Variants in TBC1D31 observed in about 807,000 individuals in gnomAD.
TBC1D31 encodes TBC1 domain family member 31, also known as WD repeat domain 67.
TBC1D31 carries 99 observed loss-of-function variants against 132.9 expected under a neutral mutation model. The observed-to-expected ratio is 0.74, with a 90% CI of 0.63 to 0.88. The LOEUF is 0.88. Ranked by LOEUF, TBC1D31 falls within the 40% of genes least tolerant of loss-of-function variation. The pLI, the probability that TBC1D31 is intolerant of heterozygous loss-of-function variation, is 0.00. For synonymous variants in TBC1D31, 385 were observed against 419.4 expected, an observed-to-expected ratio of 0.92 and a Z score of 1.00; for missense variants, 1,134 against 1,256.6, an observed-to-expected ratio of 0.90 and a Z score of 1.48.
chr8:123,164,319 C>T, the TBC1D31 span, among the ~76,000 whole-genome samples: 1 of 152,204 alleles, frequency 6.6e-6, no homozygotes, highest in African/African-American at 2.4e-5. Context: ...ACTCCCTTGG[C>T]CCAAGCAAGT....
In TBC1D31 at chr8:123,095,252, T is replaced by C. The variant is rs536890798; in HGVS notation, c.671+1510T>C. Reference sequence around the variant, plus strand: ...TAAGGAACAACATAGAACAGTTTTCTTTTGTGACGTCAGTAGCCATTAGTG... The same window carrying C: ...TAAGGAACAACATAGAACAGTTTTCCTTTGTGACGTCAGTAGCCATTAGTG... On this transcript the variant is annotated intron_variant, in intron 5 of 21. Transcript: ENST00000287380. 2.6e-5 allele frequency among the ~76,000 whole-genome samples: 4 copies of C among 152,360 alleles called. No homozygotes were observed. In the South Asian group the frequency reaches 8.3e-4, roughly 32 times the overall value.
chr8:123,095,261 G>A (rs1488168053), intron 5 of TBC1D31, among the ~76,000 whole-genome samples: 4 of 152,226 alleles, frequency 2.6e-5, no homozygotes, highest in African/African-American at 4.8e-5. Context: ...CTTTTGTGAC[G>A]TCAGTAGCCA....
At chr8:123,150,881 G>A (rs1291991088) in intron 21 of TBC1D31, among the ~76,000 whole-genome samples, 3 of 152,152 alleles carry the variant, frequency 2.0e-5, no homozygotes, top group Non-Finnish European at 4.4e-5. Flanking sequence ...TATAGATGAA[G>A]CAGTATTTAA....
chr8:123,095,833 G>A (rs947257443), intron 5 of TBC1D31, among the ~76,000 whole-genome samples: 3 of 152,072 alleles, frequency 2.0e-5, no homozygotes, highest in African/African-American at 4.8e-5. Context: ...ACCCTAATCC[G>A]GATGCTAGGG....
At chr8:123,118,173 C>A (rs1163298878) in intron 10 of TBC1D31, among the ~76,000 whole-genome samples, 1 of 152,118 alleles carries the variant, frequency 6.6e-6, no homozygotes, top group Non-Finnish European at 1.5e-5. Context: ...AATGTTGAAT[C>A]TGGGGTTGGT....
intron 4 of TBC1D31, among the ~76,000 whole-genome samples, chr8:123,085,689 G>A (rs1036122422): frequency 1.3e-5 from 2 of 152,174 alleles, no homozygotes; most frequent in Non-Finnish European, 2.9e-5. Context: ...GATTACAGGC[G>A]TGAGCCACCG....
At chr8:123,149,274 C>G (rs1822553102) in intron 20 of TBC1D31, among the ~76,000 whole-genome samples, 1 of 152,158 alleles carries the variant, frequency 6.6e-6, no homozygotes, top group African/African-American at 2.4e-5. Context: ...AGTCACATTA[C>G]TTTAATGACT....
At chr8:123,116,493 T>C (rs747101021) in intron 10 of TBC1D31, among the ~76,000 whole-genome samples, 5 of 152,040 alleles carry the variant, frequency 3.3e-5, no homozygotes, top group Non-Finnish European at 7.4e-5. Flanking sequence ...CAGTAGTTGA[T>C]TGGAATCGAT....
At chr8:123,151,195 C>T (rs1200567794) in intron 21 of TBC1D31, among the ~76,000 whole-genome samples, 3 of 152,064 alleles carry the variant, frequency 2.0e-5, no homozygotes, top group Non-Finnish European at 2.9e-5. Context: ...GGAGGAAAAA[C>T]AGTTTTTCAG....
chr8:123,150,705 G>C (rs1333299036), intron 21 of TBC1D31, among the ~76,000 whole-genome samples: 1 of 152,116 alleles, frequency 6.6e-6, no homozygotes, highest in East Asian at 1.9e-4. Context: ...TTTTTAGAAG[G>C]GACAGGGTAG....
chr8:123,121,613 C>T (rs970207489), intron 11 of TBC1D31, among the ~76,000 whole-genome samples: 2 of 152,088 alleles, frequency 1.3e-5, no homozygotes, highest in African/African-American at 4.8e-5. Context: ...TCGTTCCTGC[C>T]CTCTTCCAGA....
chr8:123,106,255 G>A (rs1405912322), intron 8 of TBC1D31, among the ~76,000 whole-genome samples: 1 of 152,182 alleles, frequency 6.6e-6, no homozygotes, highest in African/African-American at 2.4e-5. Context: ...TGAGTAGCAT[G>A]ACGAAATCTC....
At chr8:123,107,350 TC>T (rs1818027525) in intron 8 of TBC1D31, among the ~76,000 whole-genome samples, 1 of 152,164 alleles carries the variant, frequency 6.6e-6, no homozygotes, top group South Asian at 2.1e-4. Context: ...TGTGTGCTTA[TC>T]CCCCATCACA....
intron 16 of TBC1D31, among the ~76,000 whole-genome samples, chr8:123,132,258 C>T (rs762307331): frequency 1.8e-4 from 27 of 152,054 alleles, no homozygotes; most frequent in South Asian, 4.2e-4. Flanking sequence ...GTTTATCATT[C>T]CAAGTAGACT....
chr8:123,159,200 A>T, the TBC1D31 span, among the ~76,000 whole-genome samples: 119 of 151,384 alleles, frequency 7.9e-4, 1 homozygote, highest in South Asian at 0.024. Flanking sequence ...CAGTCCCAGG[A>T]CTGGCAAGCT....
Position 123,082,690 on chromosome 8 carries a change from A to T in TBC1D31, c.225-12A>T. The T allele has an allele frequency of 6.4e-7, 1 of 1,567,030 alleles. No homozygotes were observed. Among genetic ancestry groups the T allele is most frequent in the Non-Finnish European group, 8.7e-7 (1 of 1,147,190 alleles). On this transcript the variant is annotated splice_polypyrimidine_tract_variant and intron_variant, in intron 2 of 21. Coordinates refer to ENST00000287380, the MANE Select transcript of TBC1D31 (RefSeq NM_145647.4). ...AAGAATTTGTGATACTAATGCAATGATCTCTTAATAGGTTCAATCTTGTTC... is the reference window on the plus strand; with the variant it reads ...AAGAATTTGTGATACTAATGCAATGTTCTCTTAATAGGTTCAATCTTGTTC...
chr8:123,146,076 G>T (rs1351995051), intron 20 of TBC1D31, among the ~76,000 whole-genome samples: 1 of 151,990 alleles, frequency 6.6e-6, no homozygotes, highest in Non-Finnish European at 1.5e-5. Context: ...CGCCATGTTG[G>T]CCATGCTGGT....
chr8:123,074,918 CTG>C (rs1247294534), intron 1 of TBC1D31: 3 of 152,178 alleles, frequency 2.0e-5, no homozygotes, highest in African/African-American at 7.2e-5. Flanking sequence ...CTGAGGAACT[CTG>C]TCAGGCAATC....
intron 11 of TBC1D31, among the ~76,000 whole-genome samples, chr8:123,120,702 T>C (rs1586671960): frequency 6.6e-6 from 1 of 152,060 alleles, no homozygotes; most frequent in African/African-American, 2.4e-5. Flanking sequence ...ATAATAATAA[T>C]TTATTGTCTG....
Sources: allele counts gnomAD v4.1 joint callset (sites outside exome capture counted in the v4.1 genomes callset), GRCh38; gene constraint gnomAD v4.1.1; transcripts MANE v1.5; gene names NCBI Gene and HGNC (gene_info 2026-07-23, HGNC 2026-07-21).